The following DLGAP1 variants were observed in gnomAD, a reference collection of about 807,000 sequenced individuals.
DLGAP1 encodes the protein disks large-associated protein 1.
DLGAP1 carries 11 observed loss-of-function variants against 90.8 expected under a neutral mutation model. That is an observed-to-expected ratio of 0.12 (90% CI 0.08 to 0.20). The LOEUF (loss-of-function observed/expected upper bound fraction) is 0.20, where lower values mean the gene tolerates loss of function less well. Among genes scored for constraint, DLGAP1 ranks in the 10% least tolerant of loss-of-function variants. The pLI, the probability that DLGAP1 is intolerant of heterozygous loss-of-function variation, is 1.00. For synonymous variants in DLGAP1, 558 were observed against 540.7 expected, an observed-to-expected ratio of 1.03 and a Z score of -0.44; for missense variants, 1,050 against 1,333.8, an observed-to-expected ratio of 0.79 and a Z score of 3.31.
intron 2 of DLGAP1, among the ~76,000 whole-genome samples, chr18:4,138,994 AT>A (rs568969727): frequency 1.3e-5 from 2 of 151,924 alleles, no homozygotes; most frequent in South Asian, 4.2e-4. Context: ...GTATTTTTCC[AT>A]CTCTGATTCT....
intron 4 of DLGAP1, among the ~76,000 whole-genome samples, chr18:3,828,502 T>G (rs893556259): frequency 1.7e-4 from 26 of 151,892 alleles, no homozygotes; most frequent in African/African-American, 6.3e-4. Context: ...TAGTTGGGTG[T>G]GGAGGCATGT....
intron 9 of DLGAP1, among the ~76,000 whole-genome samples, chr18:3,554,082 T>G (rs1450620847): frequency 6.6e-6 from 1 of 152,108 alleles, no homozygotes; most frequent in Non-Finnish European, 1.5e-5. Context: ...TGGGAACCTC[T>G]TAGCTTTCTC....
intron 9 of DLGAP1, among the ~76,000 whole-genome samples, chr18:3,550,764 CAG>C (rs1052989470): frequency 2.0e-5 from 2 of 101,138 alleles, no homozygotes; most frequent in East Asian, 3.4e-4. Context: ...TTTTGTAAGA[CAG>C]AGTCTCACTC....
intron 1 of DLGAP1, among the ~76,000 whole-genome samples, chr18:4,306,839 G>A (rs958996779): frequency 1.3e-5 from 2 of 152,124 alleles, no homozygotes; most frequent in Non-Finnish European, 2.9e-5. Context: ...AATTTATTAA[G>A]TCTATTAATC....
intron 7 of DLGAP1, among the ~76,000 whole-genome samples, chr18:3,615,780 G>C (rs931860469): frequency 2.2e-4 from 33 of 152,262 alleles, no homozygotes; most frequent in African/African-American, 7.9e-4. Context: ...CTCATTCCCT[G>C]AGACACTTGC....
At chr18:3,856,924 C>G (rs797018350) in intron 4 of DLGAP1, among the ~76,000 whole-genome samples, 21 of 151,976 alleles carry the variant, frequency 1.4e-4, no homozygotes, top group African/African-American at 5.1e-4. Flanking sequence ...TAGAGGACTT[C>G]AGTATATAGT....
At chr18:4,283,144 T>G (rs1300303282) in intron 1 of DLGAP1, among the ~76,000 whole-genome samples, 1 of 152,190 alleles carries the variant, frequency 6.6e-6, no homozygotes, top group African/African-American at 2.4e-5. Flanking sequence ...ACTGAAGTAA[T>G]GAATGCAACA....
At chr18:4,082,052 A>G (rs2075615625) in intron 2 of DLGAP1, among the ~76,000 whole-genome samples, 1 of 151,898 alleles carries the variant, frequency 6.6e-6, no homozygotes, top group Non-Finnish European at 1.5e-5. Flanking sequence ...TATTAAAAAT[A>G]CAAAAAGGCT....
chr18:3,882,937 TTTAA>T (rs1273999477), intron 3 of DLGAP1, among the ~76,000 whole-genome samples: 3 of 152,116 alleles, frequency 2.0e-5, no homozygotes, highest in African/African-American at 7.2e-5. Flanking sequence ...AGATATGTGG[TTTAA>T]TTAAGAAACA....
chr18:4,216,163 C>T (rs1457992474), intron 1 of DLGAP1, among the ~76,000 whole-genome samples: 1 of 152,040 alleles, frequency 6.6e-6, no homozygotes, highest in Admixed American at 6.6e-5. Context: ...ACGTCCTTCT[C>T]ATGGCAGCAA....
At chr18:3,600,858 A>G (rs199896082) in intron 7 of DLGAP1, among the ~76,000 whole-genome samples, 8 of 71,792 alleles carry the variant, frequency 1.1e-4, no homozygotes, top group Admixed American at 1.6e-4. Flanking sequence ...ATATATAGAT[A>G]TATATAGATA....
intron 7 of DLGAP1, among the ~76,000 whole-genome samples, chr18:3,593,470 C>G (rs948413767): frequency 1.3e-5 from 2 of 152,188 alleles, no homozygotes; most frequent in African/African-American, 2.4e-5. Context: ...TCCCGGCCCC[C>G]CTCTGGGAGA....
intron 7 of DLGAP1, among the ~76,000 whole-genome samples, chr18:3,622,471 CA>C (rs1301971651): frequency 6.6e-6 from 1 of 152,134 alleles, no homozygotes; most frequent in Non-Finnish European, 1.5e-5. Context: ...GTTACTCTCT[CA>C]AAGATTGGCT....
At chr18:3,635,128 T>C (rs1371682665) in intron 7 of DLGAP1, among the ~76,000 whole-genome samples, 3 of 145,916 alleles carry the variant, frequency 2.1e-5, no homozygotes, top group Non-Finnish European at 4.5e-5. Flanking sequence ...TGGTTGTCTG[T>C]CCCATTTTTT....
chr18:4,147,625 C>G (rs763073274), intron 2 of DLGAP1, among the ~76,000 whole-genome samples: 3 of 148,638 alleles, frequency 2.0e-5, no homozygotes, highest in Non-Finnish European at 4.5e-5. Flanking sequence ...ATCCATCCAT[C>G]CATCCTTTAT....
intron 7 of DLGAP1, among the ~76,000 whole-genome samples, chr18:3,648,780 T>C (rs2059203464): frequency 6.6e-6 from 1 of 152,182 alleles, no homozygotes; most frequent in South Asian, 2.1e-4. Context: ...ACATTGAAAC[T>C]TATACTCTTG....
chr18:3,674,803 A>ATTAGCATAGGCAGAGCACTG (rs2060238856), intron 7 of DLGAP1, among the ~76,000 whole-genome samples: 1 of 140,082 alleles, frequency 7.1e-6, no homozygotes, highest in Non-Finnish European at 1.5e-5. Context: ...ACCCCCATTC[A>ATTAGCATAGGCAGAGCACTG]CCTCCACTAT....
intron 2 of DLGAP1, among the ~76,000 whole-genome samples, chr18:4,039,405 C>T (rs1042402033): frequency 6.6e-6 from 1 of 152,058 alleles, no homozygotes; most frequent in African/African-American, 2.4e-5. Flanking sequence ...AGGATGGATG[C>T]TGGGGTAGGG....
chr18:4,234,564 T>C (rs779551525), intron 1 of DLGAP1, among the ~76,000 whole-genome samples: 1 of 152,218 alleles, frequency 6.6e-6, no homozygotes, highest in Non-Finnish European at 1.5e-5. Context: ...TTTTAACTTT[T>C]ATAGAAAGAA....
Sources: allele counts gnomAD v4.1 joint callset (sites outside exome capture counted in the v4.1 genomes callset), GRCh38; gene constraint gnomAD v4.1.1; transcripts MANE v1.5; gene names NCBI Gene and HGNC (gene_info 2026-07-23, HGNC 2026-07-21).